The following MMP9 variants were observed in gnomAD, a reference collection of about 807,000 sequenced individuals.
MMP9 encodes matrix metalloproteinase-9.
MMP9 carries 73 observed loss-of-function variants against 76.4 expected under a neutral mutation model. That is an observed-to-expected ratio of 0.96 (90% confidence interval 0.79 to 1.16). The LOEUF (loss-of-function observed/expected upper bound fraction) is 1.16. MMP9 is among the 50% of genes most tolerant of loss of function. The probability of loss-of-function intolerance (pLI) is 0.00; values close to 1 mark genes in which losing one functional copy is unlikely to be tolerated. For missense variants in MMP9, 943 were observed against 973.0 expected (o/e 0.97, Z 0.41); for synonymous variants, 412 against 408.4 (o/e 1.01, Z -0.11).
In MMP9 at chr20:46,015,168, C is replaced by T. The variant is rs3918263; in HGVS notation, c.2005+694C>T. Reference sequence around the variant, plus strand: ...TTAAGAGGATCTGACACTCCACCCCCGTGTTCTCATCTCTTCCCACTCCTC... The same window carrying T: ...TTAAGAGGATCTGACACTCCACCCCTGTGTTCTCATCTCTTCCCACTCCTC... On this transcript the variant is annotated intron_variant, in intron 12 of 12. Coordinates refer to ENST00000372330, the MANE Select transcript of MMP9 (RefSeq NM_004994.3). 5.4e-3 allele frequency among the ~76,000 whole-genome samples: 823 copies of T among 152,276 alleles called. 7 individuals are homozygous for T. Among genetic ancestry groups the T allele is most frequent in the African/African-American group, 0.019 (792 of 41,544 alleles).
In MMP9 at chr20:46,014,492, T is replaced by A; in HGVS notation, c.2005+18T>A. ...GTACCGAGGTGAGGGCTGAGGAGGATCCCTTCGTGAGACACCACACTAAGC... is the reference window on the plus strand; with the variant it reads ...GTACCGAGGTGAGGGCTGAGGAGGAACCCTTCGTGAGACACCACACTAAGC... On this transcript the variant is annotated intron_variant, in intron 12 of 12. Transcript: ENST00000372330. 1.2e-5 allele frequency: 18 copies of A among 1,547,178 alleles called. No individual in the cohort carries two copies. The highest frequency in any genetic ancestry group is 1.6e-5 in the Non-Finnish European group (18 of 1,145,574).
chr20:46,010,920 A>G lies in MMP9; in HGVS notation c.521-2A>G. On this transcript the variant is annotated splice_acceptor_variant, in intron 3 of 12. Transcript: ENST00000372330. LOFTEE classifies it high-confidence loss of function. The stretch of plus-strand genomic sequence containing the variant: ...CCTCTTCCTCTCGACCTGTTTCTTC[A>G]GAGCACGGAGACGGGTATCCCTTCG... 1 of 1,614,244 alleles carries G rather than the reference A, an allele frequency of 6.2e-7. No individual in the cohort carries two copies. Among genetic ancestry groups the G allele is most frequent in the Non-Finnish European group, 8.5e-7 (1 of 1,180,038 alleles).
chr20:46,012,785 T>C (rs1445947518), intron 8 of MMP9, among the ~76,000 whole-genome samples: 1 of 152,082 alleles, frequency 6.6e-6, no homozygotes, highest in Non-Finnish European at 1.5e-5. Context: ...TAGAGAGAGA[T>C]AGGTGTGACT....
chr20:46,009,674 G>C (rs998535015), intron 1 of MMP9, among the ~76,000 whole-genome samples, 192 bp from the exon 2 acceptor site: 2 of 152,078 alleles, frequency 1.3e-5, no homozygotes, highest in African/African-American at 2.4e-5. Context: ...TGTAGTTCCA[G>C]CTATGCAGAA....
chr20:46,011,044 G>C lies in MMP9; in HGVS notation c.643G>C (p.Gly215Arg). 1 of 1,610,216 alleles carries C rather than the reference G, an allele frequency of 6.2e-7. No homozygotes were observed. The highest frequency in any genetic ancestry group is 8.5e-7 in the Non-Finnish European group (1 of 1,177,698). Residue 215 changes from glycine (G) to arginine (R), a missense_variant, in exon 4 of 13, where the codon GGC becomes CGC. By Grantham distance (125) the Gly-to-Arg change is moderately radical. Coordinates refer to ENST00000372330, the MANE Select transcript of MMP9 (RefSeq NM_004994.3). Reference sequence around the variant, plus strand: ...TGACGAGTTGTGGTCCCTGGGCAAGGGCGTCGGTGAGATTCTGAGTCCTCC... The same window carrying C: ...TGACGAGTTGTGGTCCCTGGGCAAGCGCGTCGGTGAGATTCTGAGTCCTCC... ...DDDELWSLGKGVVVPTRFGNA... is the reference protein window; with the variant it reads ...DDDELWSLGKRVVVPTRFGNA...
rs1317141125 is a variant in MMP9, at chr20:46,014,206, C to T, written c.1833C>T (p.Ala611=). The T allele has an allele frequency of 2.6e-6, 4 of 1,538,262 alleles. No individual in the cohort carries two copies. Among genetic ancestry groups the T allele is most frequent in the South Asian group, 1.2e-5 (1 of 83,846 alleles). The stretch of plus-strand genomic sequence containing the variant: ...AGCTGGGCCTGGGAGCCGACGTGGC[C>T]CAGGTGACCGGGGCCCTCCGGAGTG... ...LDKLGLGADV[A]QVTGALRSGR... Residue 611 remains alanine (A), a synonymous_variant, in exon 11 of 13, where the codon GCC becomes GCT. Transcript: ENST00000372330.
At chr20:46,011,862 C>A in intron 6 of MMP9, 115 bp downstream of exon 6, 3 of 1,300,758 alleles carry the variant, frequency 2.3e-6, no homozygotes, top group Non-Finnish European at 3.2e-6. Flanking sequence ...GTCCTCAGGA[C>A]GACCGTGACT....
At chr20:46,016,106 C>T (rs1210723028) in intron 12 of MMP9, 144 bp from the exon 13 acceptor site, 3 of 821,688 alleles carry the variant, frequency 3.7e-6, no homozygotes, top group Non-Finnish European at 6.3e-6. Flanking sequence ...CAGCATCTCA[C>T]AGGTTGGGGG....
rs759241136 is a variant in MMP9 at position 46,016,310 on chromosome 20, A to T, written c.2066A>T (p.Asn689Ile). ...YWRVSSRSEL[N>I]QVDQVGYVTY... ...CGCGTGAGTTCCCGGAGTGAGTTGA[A>T]CCAGGTGGACCAAGTGGGCTACGTG... is the stretch of plus-strand genomic sequence containing the variant. Residue 689 changes from asparagine (N) to isoleucine (I), a missense_variant, in exon 13 of 13, where the codon AAC (asparagine) becomes ATC (isoleucine). Transcript: ENST00000372330. The T allele has an allele frequency of 1.2e-6, 2 of 1,614,158 alleles. No homozygotes were observed. Among genetic ancestry groups the T allele is most frequent in the Non-Finnish European group, 1.7e-6 (2 of 1,180,028 alleles).
Position 46,014,434 on chromosome 20 carries a change from CG to C in MMP9, c.1969del (p.Val657CysfsTer26). Reference protein sequence around the residue: ...SASEVDRMFPGVPLDTHDVFQ... With the variant: ...SASEVDRMFPXVPLDTHDVFQ... ...CCAGCGAGGTGGACCGGATGTTCCC[CG>C]GGGTGCCTTTGGACACGCACGACGT... On this transcript the variant is annotated frameshift_variant, in exon 12 of 13. Transcript: ENST00000372330. LOFTEE classifies it high-confidence loss of function. 3.2e-6 allele frequency: 5 copies of C among 1,550,522 alleles called. No individual in the cohort carries two copies. The highest frequency in any genetic ancestry group is 3.5e-6 in the Non-Finnish European group (4 of 1,146,972).
At chr20:46,010,321 CAAAAAAAAA>C (rs58031394) in intron 2 of MMP9, among the ~76,000 whole-genome samples, 153 bp from the exon 3 acceptor site, 2 of 62,504 alleles carry the variant, frequency 3.2e-5, no homozygotes, top group South Asian at 1.2e-3. Context: ...TCTAAGTAGA[CAAAAAAAAA>C]AAAAAAAAAA....
In MMP9 at chr20:46,013,743, A is replaced by C. The variant is rs1342647321; in HGVS notation, c.1697A>C (p.Lys566Thr). 6.2e-7 allele frequency: 1 copy of C among 1,613,706 alleles called. No individual in the cohort carries two copies. The highest frequency in any genetic ancestry group is 1.7e-5 in the Admixed American group (1 of 60,026). ...GACAAGTGGCCCGCGCTGCCCCGCA[A>C]GCTGGACTCGGTCTTTGAGGAGCGG... ...IADKWPALPR[K>T]LDSVFEERLS... is the part of the protein sequence containing the mutation. Residue 566 changes from lysine to threonine, a missense_variant, in exon 10 of 13, where the codon AAG (lysine) becomes ACG (threonine). Physicochemically the swap from Lys to Thr is moderately conservative, Grantham distance 78. Transcript: ENST00000372330. This position sits in a 1 kb window ranked among gnomAD's most constrained non-coding sequence, Gnocchi z 4.5.
Position 46,013,260 on chromosome 20 carries a change from C to T in MMP9, c.1336C>T (p.Arg446Cys), listed in dbSNP as rs754160543. The change falls in exon 9 of 13, where the codon CGC becomes TGC. Residue 446 changes from arginine to cysteine, a missense_variant. Coordinates refer to ENST00000372330, the MANE Select transcript of MMP9 (RefSeq NM_004994.3). This position sits in a 1 kb window ranked among gnomAD's most constrained non-coding sequence, Gnocchi z 4.5. ...CACCCCGTGTCTCTTTTTAGGTCCT[C>T]GCCCTGAACCTGAGCCACGGCCTCC... ...VNGIRHLYGP[R>C]PEPEPRPPTT... is the part of the protein sequence containing the mutation. 1.9e-6 allele frequency: 3 copies of T among 1,613,880 alleles called. No homozygotes were observed. Among genetic ancestry groups the T allele is most frequent in the African/African-American group, 2.7e-5 (2 of 74,828 alleles).
chr20:46,010,337 A>AAAAAAAAAAAAAAC, intron 2 of MMP9, 146 bp from the exon 3 acceptor site: 2 of 898,466 alleles, frequency 2.2e-6, no homozygotes, highest in South Asian at 1.6e-5. Flanking sequence ...AAAAAAAAAA[A>AAAAAAAAAAAAAAC]AAAACAGTCT....
Position 46,010,473 on chromosome 20 carries a change from T to TA in MMP9, c.372-9dup, listed in dbSNP as rs1249725052. 2 of 1,614,016 alleles carry TA rather than the reference T, an allele frequency of 1.2e-6. No homozygotes were observed. Among genetic ancestry groups the TA allele is most frequent in the Non-Finnish European group, 1.7e-6 (2 of 1,180,024 alleles). ...CTTCTGACCTCCTTCCTCTGGCTCT[T>TA]ACGCTACAGGATCCAAAACTACTCG... On this transcript the variant is annotated splice_polypyrimidine_tract_variant and intron_variant, in intron 2 of 12. Transcript: ENST00000372330.
rs3918267 is a variant in MMP9, at chr20:46,015,758, A to G, written c.2006-492A>G. Among the ~76,000 whole-genome samples the G allele has an allele frequency of 6.3e-3, 967 of 152,284 alleles. 3 individuals carry two copies. Among genetic ancestry groups the G allele is most frequent in the African/African-American group, 0.022 (933 of 41,534 alleles). On this transcript the variant is annotated intron_variant, in intron 12 of 12. Transcript: ENST00000372330. The stretch of plus-strand genomic sequence containing the variant: ...GAGCCACCGCACCCAGCCGCTTTCT[A>G]TATTTTCAAAACCAATCTCATTTAT...
In MMP9 at chr20:46,008,980, TGC is replaced by T; in HGVS notation, c.55_56del (p.Ala19CysfsTer66). ...TGCTCCTGGTGCTGGGCTGCTGCTT[TGC>T]TGCCCCCAGACAGCGCCAGTCCACC... ...LVLLVLGCCF[A>X]APRQRQSTLV... On this transcript the variant is annotated frameshift_variant, in exon 1 of 13. Coordinates refer to ENST00000372330, the MANE Select transcript of MMP9 (RefSeq NM_004994.3). LOFTEE classifies it high-confidence loss of function. The T allele has an allele frequency of 6.2e-7, 1 of 1,613,984 alleles. No individual in the cohort carries two copies. Among genetic ancestry groups the T allele is most frequent in the Non-Finnish European group, 8.5e-7 (1 of 1,179,948 alleles).
At chr20:46,010,728 C>G in intron 3 of MMP9, 97 bp downstream of exon 3, 1 of 1,543,904 alleles carries the variant, frequency 6.5e-7, no homozygotes, top group Non-Finnish European at 8.8e-7. Flanking sequence ...CCGGCTTCCT[C>G]TTGCCTGCCC....
chr20:46,010,336 A>AAAAAAAAAAAAT (rs2084270528), intron 2 of MMP9, 147 bp from the exon 3 acceptor site: 1 of 889,740 alleles, frequency 1.1e-6, no homozygotes, highest in Non-Finnish European at 1.7e-6. Flanking sequence ...AAAAAAAAAA[A>AAAAAAAAAAAAT]AAAAACAGTC....
Sources: gnomAD v4.1 joint callset for allele counts (sites outside exome capture counted in the v4.1 genomes callset) on GRCh38, gnomAD v4.1.1 for gene constraint, Gnocchi (gnomAD v3.1) non-coding constraint, MANE v1.5 for transcripts, NCBI Gene and HGNC (gene_info 2026-07-23, HGNC 2026-07-21) for gene names.